The following CRB1 variants were observed in gnomAD, a reference collection of about 807,000 sequenced individuals.
CRB1 encodes the protein crumbs cell polarity complex component 1, also known as protein crumbs homolog 1.
CRB1 carries 83 observed loss-of-function variants against 120.0 expected under a neutral mutation model. The ratio of observed to expected loss-of-function variants is 0.69; its 90% CI spans 0.58 to 0.83. CRB1 has a LOEUF of 0.83. Ranked by LOEUF, CRB1 falls within the 40% of genes least tolerant of loss-of-function variation. The probability of loss-of-function intolerance (pLI) is 0.00; values close to 1 mark genes in which losing one functional copy is unlikely to be tolerated. For missense variants in CRB1, 1,699 were observed against 1,687.6 expected (o/e 1.01, Z -0.12); for synonymous variants, 625 against 612.5 (o/e 1.02, Z -0.30).
Position 197,328,653 on chromosome 1 carries a change from G to A in CRB1, c.302G>A (p.Gly101Glu), listed in dbSNP as rs2125304025. Residue 101 changes from glycine (G) to glutamate (E), a missense_variant, in exon 2 of 12, where the codon GGG becomes GAG. Gly to Glu is a moderately conservative substitution (Grantham distance 98). Coordinates refer to ENST00000367400, the MANE Select transcript of CRB1 (RefSeq NM_201253.3). ...AGCTTTCTGTGCAAATGTCCTCCTGGGTACAGTGGGACAATCTGTGAAACT... is the reference window on the plus strand; with the variant it reads ...AGCTTTCTGTGCAAATGTCCTCCTGAGTACAGTGGGACAATCTGTGAAACT... ...ERSFLCKCPP[G>E]YSGTICETTI... 1 of 1,614,100 alleles carries A rather than the reference G, an allele frequency of 6.2e-7. No individual in the cohort carries two copies. The highest frequency in any genetic ancestry group is 8.5e-7 in the Non-Finnish European group (1 of 1,179,964).
chr1:197,468,615 T>C (rs1246096741), intron 11 of CRB1, among the ~76,000 whole-genome samples: 1 of 152,118 alleles, frequency 6.6e-6, no homozygotes, highest in Non-Finnish European at 1.5e-5. Context: ...CATTTTATAT[T>C]ATTGGGAAGT....
intron 5 of CRB1, among the ~76,000 whole-genome samples, chr1:197,406,177 T>C (rs6689702): frequency 6.6e-6 from 1 of 152,052 alleles, no homozygotes; most frequent in Non-Finnish European, 1.5e-5. Context: ...GATGGTTGCC[T>C]TGTCTGTGTA....
chr1:197,245,977 G>T, the CRB1 span, among the ~76,000 whole-genome samples: 1 of 152,096 alleles, frequency 6.6e-6, no homozygotes, highest in African/African-American at 2.4e-5. Flanking sequence ...GGGGGCAAAA[G>T]TTCTAACTTT....
the CRB1 span, among the ~76,000 whole-genome samples, chr1:197,211,154 A>G: frequency 5.9e-5 from 9 of 152,164 alleles, no homozygotes; most frequent in African/African-American, 2.2e-4. Flanking sequence ...CAAATATGAA[A>G]TATTTTAGTG....
intron 5 of CRB1, among the ~76,000 whole-genome samples, chr1:197,390,131 C>T (rs985522865): frequency 1.6e-5 from 2 of 122,810 alleles, no homozygotes; most frequent in African/African-American, 6.3e-5. Flanking sequence ...TTAGCTTCTG[C>T]TTCCTGAAAG....
chr1:197,259,470 T>A, the CRB1 span, among the ~76,000 whole-genome samples: 507 of 151,538 alleles, frequency 3.3e-3, 2 homozygotes, highest in Non-Finnish European at 3.8e-3. Flanking sequence ...CAAGTGGGAG[T>A]TGAACAATGA....
intron 11 of CRB1, among the ~76,000 whole-genome samples, chr1:197,453,214 TA>T: frequency 6.7e-6 from 1 of 149,800 alleles, no homozygotes; most frequent in East Asian, 2.0e-4. Flanking sequence ...TGCTAGGAGC[TA>T]GGGGGAAGTG....
intron 1 of CRB1, among the ~76,000 whole-genome samples, chr1:197,283,112 T>TA (rs11344144): frequency 2.6e-4 from 37 of 144,108 alleles, no homozygotes; most frequent in Admixed American, 1.4e-3. Context: ...TAAGCAAAAA[T>TA]AAAAAAAATA....
chr1:197,268,291 G>C lies in CRB1; in HGVS notation c.-122G>C, dbSNP rs1182923995. 7.8e-6 allele frequency: 6 copies of C among 772,064 alleles called. No homozygotes were observed. Among genetic ancestry groups the C allele is most frequent in the Non-Finnish European group, 1.4e-5 (6 of 417,126 alleles). 47.8% of individuals were successfully genotyped at this position (772,064 alleles called of 1,614,324 possible). A position where few individuals can be genotyped will look rare whatever the true frequency, so the allele number is the denominator to read the frequency against. ...CTGTGAAGGAGCTGTAAGTAGGGTG[G>C]GACAGAGATGGCACCTGGGGGTTCT... On this transcript the variant is annotated 5_prime_UTR_variant, in exon 1 of 12. Transcript: ENST00000367400.
chr1:197,223,020 C>T, the CRB1 span: 739 of 789,528 alleles, frequency 9.4e-4, 9 homozygotes, highest in South Asian at 9.6e-3. Flanking sequence ...TCATTTGACA[C>T]CTCCCTTATG....
intron 1 of CRB1, among the ~76,000 whole-genome samples, chr1:197,310,348 C>G (rs1657443010): frequency 6.6e-6 from 1 of 152,090 alleles, no homozygotes; most frequent in African/African-American, 2.4e-5. Flanking sequence ...TTGTCTTCGC[C>G]CTCACCAAAC....
intron 2 of CRB1, among the ~76,000 whole-genome samples, chr1:197,337,198 G>A (rs930513055): frequency 2.0e-5 from 3 of 152,140 alleles, no homozygotes; most frequent in Non-Finnish European, 4.4e-5. Context: ...TACCATGTGA[G>A]GACATAGAAA....
chr1:197,249,153 A>G, the CRB1 span, among the ~76,000 whole-genome samples: 4 of 151,842 alleles, frequency 2.6e-5, no homozygotes, highest in Admixed American at 2.6e-4. Context: ...CATTTTTCAC[A>G]TTGCTTTTTT....
intron 1 of CRB1, among the ~76,000 whole-genome samples, chr1:197,277,689 A>G (rs1655290363): frequency 6.6e-6 from 1 of 151,960 alleles, no homozygotes; most frequent in African/African-American, 2.4e-5. Context: ...ATTTATATTC[A>G]GCATTAATTT....
the CRB1 span, among the ~76,000 whole-genome samples, chr1:197,210,041 C>T: frequency 6.6e-6 from 1 of 152,340 alleles, no homozygotes; most frequent in Non-Finnish European, 1.5e-5. Flanking sequence ...CAATGTGAGC[C>T]TCCACACACT....
At chr1:197,247,348 G>A in the CRB1 span, among the ~76,000 whole-genome samples, 2 of 152,110 alleles carry the variant, frequency 1.3e-5, no homozygotes, top group Non-Finnish European at 1.5e-5. Context: ...TATAGCCAAG[G>A]TTGCAAGGTT....
chr1:197,293,185 C>T (rs1007038846), intron 1 of CRB1, among the ~76,000 whole-genome samples: 2 of 152,108 alleles, frequency 1.3e-5, no homozygotes, highest in Non-Finnish European at 2.9e-5. Context: ...TGCAAAATCT[C>T]CTTAAGCTGA....
intron 5 of CRB1, among the ~76,000 whole-genome samples, chr1:197,373,787 T>C (rs1233538946): frequency 5.3e-5 from 8 of 152,164 alleles, no homozygotes; most frequent in African/African-American, 1.7e-4. Context: ...GGAATGTCCA[T>C]TGAATATGTT....
At chr1:197,389,303 T>C (rs1303235526) in intron 5 of CRB1, among the ~76,000 whole-genome samples, 1 of 152,136 alleles carries the variant, frequency 6.6e-6, no homozygotes, top group Non-Finnish European at 1.5e-5. Context: ...ATATGATATA[T>C]ATGGTATGAA....
Sources: allele counts gnomAD v4.1 joint callset (sites outside exome capture counted in the v4.1 genomes callset), GRCh38; gene constraint gnomAD v4.1.1; transcripts MANE v1.5; gene names NCBI Gene and HGNC (gene_info 2026-07-23, HGNC 2026-07-21).